Variants in GPHN observed in about 807,000 individuals in gnomAD.
GPHN encodes the protein gephyrin.
A neutral mutation model predicts 95.5 loss-of-function variants in GPHN; 17 were observed. The ratio of observed to expected loss-of-function variants is 0.18; its 90% CI spans 0.12 to 0.27. The LOEUF (loss-of-function observed/expected upper bound fraction) is 0.27. GPHN is among the 10% of genes least tolerant of loss of function. The pLI, the probability that GPHN is intolerant of heterozygous loss-of-function variation, is 1.00. For missense variants in GPHN, 660 were observed against 978.1 expected (o/e 0.67, Z 4.34); for synonymous variants, 320 against 322.5 (o/e 0.99, Z 0.08).
chr14:66,863,488 C>T lies in GPHN; in HGVS notation c.295-16451C>T, dbSNP rs956772705. 3.9e-5 allele frequency among the ~76,000 whole-genome samples: 6 copies of T among 151,986 alleles called. No homozygotes were observed. In the South Asian group the frequency reaches 1.3e-3, roughly 32 times the overall value. On this transcript the variant is annotated intron_variant, in intron 4 of 22. Coordinates refer to ENST00000478722, the MANE Select transcript of GPHN (RefSeq NM_020806.5). ...AAAAATCATAAAATTTATCAGGAAC[C>T]GCAAAAGACCCAGAATAACCAAAGC...
chr14:67,023,731 A>G, intron 10 of GPHN, 56 bp downstream of exon 10: 1 of 1,391,912 alleles, frequency 7.2e-7, no homozygotes, highest in Non-Finnish European at 1.0e-6. Context: ...AAAGCTAAAA[A>G]TGATATTTTG....
the GPHN span, among the ~76,000 whole-genome samples, chr14:67,234,309 G>A: frequency 6.6e-6 from 1 of 152,178 alleles, no homozygotes; most frequent in East Asian, 1.9e-4. Context: ...ATAAATAAGA[G>A]CCAGCAAAGG....
At chr14:67,112,382 A>G (rs964184192) in intron 15 of GPHN, among the ~76,000 whole-genome samples, 3 of 152,210 alleles carry the variant, frequency 2.0e-5, no homozygotes, top group African/African-American at 4.8e-5. Flanking sequence ...TAGTGCATAT[A>G]CCTTAAATTA....
At chr14:66,803,266 T>C (rs116449365) in intron 3 of GPHN, among the ~76,000 whole-genome samples, 2,344 of 152,260 alleles carry the variant, frequency 0.015, 31 homozygotes, top group Non-Finnish European at 0.018. Flanking sequence ...GGCACAGAAA[T>C]GCTGTCTGCA....
chr14:66,656,297 A>AT (rs1374554025), intron 1 of GPHN, among the ~76,000 whole-genome samples: 1 of 54,532 alleles, frequency 1.8e-5, no homozygotes, highest in Non-Finnish European at 3.5e-5. Flanking sequence ...CAAATTACTG[A>AT]TTTCACATTG....
chr14:66,778,283 C>A (rs1418753769), intron 3 of GPHN, among the ~76,000 whole-genome samples: 2 of 152,208 alleles, frequency 1.3e-5, no homozygotes, highest in Non-Finnish European at 2.9e-5. Flanking sequence ...TGAAGGACCT[C>A]TTCAAGGAGA....
chr14:66,660,807 G>A (rs1250853079), intron 1 of GPHN, among the ~76,000 whole-genome samples: 1 of 152,136 alleles, frequency 6.6e-6, no homozygotes, highest in Non-Finnish European at 1.5e-5. Context: ...ACAGGGCAGG[G>A]CAGGGCAACA....
the GPHN span, among the ~76,000 whole-genome samples, chr14:67,708,739 T>A: frequency 6.6e-6 from 1 of 151,764 alleles, no homozygotes; most frequent in Non-Finnish European, 1.5e-5. Flanking sequence ...ATAATTTTTA[T>A]ACCAAATAAG....
chr14:66,831,000 T>C (rs1475465521), intron 4 of GPHN, among the ~76,000 whole-genome samples: 1 of 152,102 alleles, frequency 6.6e-6, no homozygotes, highest in East Asian at 1.9e-4. Flanking sequence ...TTCTTTCTTA[T>C]ATTGTAATGC....
At chr14:67,008,307 T>A (rs555651204) in intron 9 of GPHN, among the ~76,000 whole-genome samples, 1 of 151,234 alleles carries the variant, frequency 6.6e-6, no homozygotes, top group South Asian at 2.1e-4. Context: ...CACAAAAAAA[T>A]TAGTTGGGTG....
downstream of GPHN, among the ~76,000 whole-genome samples, chr14:67,182,534 G>T (rs1489046607): frequency 6.6e-6 from 1 of 152,090 alleles, no homozygotes; most frequent in Non-Finnish European, 1.5e-5. Context: ...AGTTAATAGA[G>T]GTCAAATGAA....
chr14:66,940,070 A>C (rs1205080649), intron 8 of GPHN, among the ~76,000 whole-genome samples: 1 of 152,134 alleles, frequency 6.6e-6, no homozygotes, highest in Non-Finnish European at 1.5e-5. Flanking sequence ...CTAGCATTTC[A>C]GACTTCTGGG....
intron 1 of GPHN, among the ~76,000 whole-genome samples, chr14:66,678,580 A>AT (rs1295875489): frequency 6.7e-6 from 1 of 149,642 alleles, no homozygotes; most frequent in Non-Finnish European, 1.5e-5. Flanking sequence ...TATTTCATAG[A>AT]TTTTCTTTTG....
At chr14:66,760,142 G>A (rs188728366) in intron 2 of GPHN, among the ~76,000 whole-genome samples, 14 of 152,204 alleles carry the variant, frequency 9.2e-5, no homozygotes, top group Admixed American at 7.2e-4. Context: ...CCGGTAGAAT[G>A]TAAGATCCAT....
At chr14:66,546,375 C>A (rs79837184) in intron 1 of GPHN, among the ~76,000 whole-genome samples, 2 of 152,010 alleles carry the variant, frequency 1.3e-5, no homozygotes, top group African/African-American at 4.8e-5. Context: ...GGGTGGCGGC[C>A]GGGCAGAGGC....
At chr14:67,155,640 A>C (rs776663509) in intron 18 of GPHN, among the ~76,000 whole-genome samples, 2 of 152,154 alleles carry the variant, frequency 1.3e-5, no homozygotes, top group Non-Finnish European at 2.9e-5. Context: ...GACAAATGGG[A>C]TGTGGTGAAA....
chr14:66,838,840 T>C (rs765921148), intron 4 of GPHN, among the ~76,000 whole-genome samples: 1 of 152,138 alleles, frequency 6.6e-6, no homozygotes, highest in Non-Finnish European at 1.5e-5. Flanking sequence ...GTACTTTATA[T>C]CTGTCAAGTA....
At chr14:67,234,175 A>G in the GPHN span, among the ~76,000 whole-genome samples, 1 of 152,248 alleles carries the variant, frequency 6.6e-6, no homozygotes, top group Admixed American at 6.5e-5. Context: ...AGAGAAATTA[A>G]CTGACTTTCT....
the GPHN span, among the ~76,000 whole-genome samples, chr14:67,188,640 G>A: frequency 3.9e-5 from 6 of 152,166 alleles, no homozygotes; most frequent in African/African-American, 1.4e-4. Flanking sequence ...AGGCGAAACA[G>A]AGCATCTGAG....
Sources: allele counts gnomAD v4.1 joint callset (sites outside exome capture counted in the v4.1 genomes callset), GRCh38; gene constraint gnomAD v4.1.1; transcripts MANE v1.5; gene names NCBI Gene and HGNC (gene_info 2026-07-23, HGNC 2026-07-21).